SUCLG2: variants seen among roughly 807,000 people sequenced by gnomAD.
SUCLG2 encodes succinate-CoA ligase GDP-forming subunit beta.
SUCLG2 carries 42 observed loss-of-function variants against 47.9 expected under a neutral mutation model. That is an observed-to-expected ratio of 0.88 (90% CI 0.69 to 1.14). The LOEUF is 1.14. Ranked by LOEUF, SUCLG2 falls within the 50% of genes most tolerant of loss-of-function variation. SUCLG2 has a pLI of 0.00. For synonymous variants in SUCLG2, 195 were observed against 197.3 expected (o/e 0.99, Z 0.10); for missense variants, 571 against 525.9 (o/e 1.09, Z -0.84).
chr3:67,477,681 C>T (rs1424837118), intron 9 of SUCLG2, among the ~76,000 whole-genome samples: 2 of 152,092 alleles, frequency 1.3e-5, no homozygotes, highest in African/African-American at 2.4e-5. Flanking sequence ...GGTGACAGAG[C>T]AAGACTCTGT....
At chr3:67,570,159 G>A (rs1161750252) in intron 2 of SUCLG2, among the ~76,000 whole-genome samples, 1 of 152,124 alleles carries the variant, frequency 6.6e-6, no homozygotes, top group African/African-American at 2.4e-5. Context: ...CAAGAAGAAA[G>A]GCCTCAGAAT....
intron 10 of SUCLG2, among the ~76,000 whole-genome samples, chr3:67,390,096 CAT>C (rs2106787405): frequency 6.6e-6 from 1 of 152,306 alleles, no homozygotes; most frequent in African/African-American, 2.4e-5. Flanking sequence ...CACGCTGCCA[CAT>C]GTTTATCACA....
intron 9 of SUCLG2, among the ~76,000 whole-genome samples, chr3:67,423,910 G>T (rs1392155158): frequency 2.0e-5 from 3 of 152,142 alleles, no homozygotes; most frequent in Admixed American, 6.5e-5. Flanking sequence ...ACCAATAACA[G>T]GACTGACACT....
intron 7 of SUCLG2, among the ~76,000 whole-genome samples, chr3:67,506,038 C>A (rs1178349617): frequency 6.6e-6 from 1 of 151,982 alleles, no homozygotes; most frequent in African/African-American, 2.4e-5. Context: ...ATGCTGAGCT[C>A]CTTAAACTTT....
chr3:67,614,144 TA>T (rs1454819730), intron 1 of SUCLG2, among the ~76,000 whole-genome samples: 1 of 152,170 alleles, frequency 6.6e-6, no homozygotes, highest in Non-Finnish European at 1.5e-5. Context: ...CCATGAATTC[TA>T]GAATGCAAGG....
chr3:67,573,447 T>C (rs527253065), intron 2 of SUCLG2, among the ~76,000 whole-genome samples: 118 of 152,386 alleles, frequency 7.7e-4, no homozygotes, highest in African/African-American at 2.8e-3. Context: ...ACCATGTTTC[T>C]GACATATATT....
At chr3:67,366,766 C>A (rs934405368) in intron 10 of SUCLG2, among the ~76,000 whole-genome samples, 8 of 152,126 alleles carry the variant, frequency 5.3e-5, no homozygotes, top group Non-Finnish European at 1.0e-4. Context: ...CTGTTAGCTG[C>A]CTGGAACATG....
chr3:67,573,248 AG>A (rs1449163384), intron 2 of SUCLG2, among the ~76,000 whole-genome samples: 1 of 152,222 alleles, frequency 6.6e-6, no homozygotes, highest in Non-Finnish European at 1.5e-5. Flanking sequence ...ATTGATGTAC[AG>A]GATCAACATG....
At chr3:67,654,372 C>T (rs1005490981) in intron 1 of SUCLG2, 131 bp downstream of exon 1, 15 of 681,170 alleles carry the variant, frequency 2.2e-5, no homozygotes, top group Non-Finnish European at 2.9e-5. Context: ...GGCGCCGCGT[C>T]ACCTCCCGAA....
At chr3:67,561,745 A>G (rs963448092) in intron 2 of SUCLG2, among the ~76,000 whole-genome samples, 3 of 152,212 alleles carry the variant, frequency 2.0e-5, no homozygotes, top group African/African-American at 7.2e-5. Flanking sequence ...TCAGTGGTGC[A>G]TAATCAAAAT....
intron 10 of SUCLG2, among the ~76,000 whole-genome samples, chr3:67,389,305 G>C (rs1702327305): frequency 6.7e-6 from 1 of 150,290 alleles, no homozygotes; most frequent in South Asian, 2.1e-4. Context: ...GAGAGGATCA[G>C]AGATGAAGCT....
chr3:67,641,903 T>C (rs1167871419), intron 1 of SUCLG2, among the ~76,000 whole-genome samples: 1 of 152,194 alleles, frequency 6.6e-6, no homozygotes, highest in East Asian at 1.9e-4. Context: ...CAATCTTTGG[T>C]GTTCTTGGCT....
intron 9 of SUCLG2, among the ~76,000 whole-genome samples, chr3:67,464,610 T>C: frequency 6.6e-6 from 1 of 152,218 alleles, no homozygotes. Flanking sequence ...CTTTCTTACA[T>C]GCTACTCTTC....
chr3:67,509,277 T>A (rs1575743405), intron 6 of SUCLG2, among the ~76,000 whole-genome samples: 1 of 152,368 alleles, frequency 6.6e-6, no homozygotes. Context: ...TGAGAGTTTA[T>A]AATGACTAGG....
At chr3:67,364,280 A>C (rs538032077) in intron 10 of SUCLG2, among the ~76,000 whole-genome samples, 1 of 152,314 alleles carries the variant, frequency 6.6e-6, no homozygotes, top group East Asian at 1.9e-4. Flanking sequence ...TCTAGACAGT[A>C]ACAAGACTTC....
At chr3:67,565,282 C>T (rs890645712) in intron 2 of SUCLG2, among the ~76,000 whole-genome samples, 1 of 152,060 alleles carries the variant, frequency 6.6e-6, no homozygotes, top group Non-Finnish European at 1.5e-5. Context: ...TATATAGTTC[C>T]TGATTTATAT....
intron 1 of SUCLG2, among the ~76,000 whole-genome samples, chr3:67,640,800 T>C (rs1339079064): frequency 2.6e-5 from 4 of 152,246 alleles, no homozygotes; most frequent in Admixed American, 2.6e-4. Flanking sequence ...TTTGATTGCA[T>C]GCTGATTGTT....
intron 9 of SUCLG2, among the ~76,000 whole-genome samples, chr3:67,476,003 C>CTCTCTCTCTCTCTG (rs1186045404): frequency 6.6e-6 from 1 of 152,014 alleles, no homozygotes; most frequent in Non-Finnish European, 1.5e-5. Context: ...CTCTCTCTCT[C>CTCTCTCTCTCTCTG]TCTCTCTCTC....
At chr3:67,438,377 G>T (rs1365039320) in intron 9 of SUCLG2, among the ~76,000 whole-genome samples, 1 of 151,872 alleles carries the variant, frequency 6.6e-6, no homozygotes, top group Non-Finnish European at 1.5e-5. Context: ...AAATTACTAA[G>T]ATCAGAGCAG....
Sources: gnomAD v4.1 joint callset for allele counts (sites outside exome capture counted in the v4.1 genomes callset) on GRCh38, gnomAD v4.1.1 for gene constraint, MANE v1.5 for transcripts, NCBI Gene and HGNC (gene_info 2026-07-23, HGNC 2026-07-21) for gene names.